Variants in TNIP3 observed in about 807,000 individuals in gnomAD.
The protein encoded by TNIP3 is TNFAIP3 interacting protein 3.
Under a neutral mutation model 54.1 loss-of-function variants are expected in TNIP3, and 34 were observed. The observed-to-expected ratio is 0.63, with a 90% CI of 0.48 to 0.84. The LOEUF (loss-of-function observed/expected upper bound fraction) is 0.84, where lower values mean the gene tolerates loss of function less well. Among genes scored for constraint, TNIP3 ranks in the 40% least tolerant of loss-of-function variants. The pLI is 0.00. For missense variants in TNIP3, 366 were observed against 387.6 expected (o/e 0.94, Z 0.47); for synonymous variants, 134 against 136.8 (o/e 0.98, Z 0.14).
intron 2 of TNIP3, among the ~76,000 whole-genome samples, chr4:121,211,943 G>A (rs1379817605): frequency 1.3e-5 from 2 of 152,322 alleles, no homozygotes; most frequent in East Asian, 3.9e-4. Context: ...TTCCATGGAA[G>A]TAAAAGCTGA....
chr4:121,197,890 C>T (rs1354468729), intron 2 of TNIP3, among the ~76,000 whole-genome samples: 1 of 152,156 alleles, frequency 6.6e-6, no homozygotes, highest in Non-Finnish European at 1.5e-5. Flanking sequence ...CACTACTATT[C>T]AAGTGTTTTG....
At chr4:121,149,999 A>T in intron 6 of TNIP3, 104 bp downstream of exon 6, 1 of 702,680 alleles carries the variant, frequency 1.4e-6, no homozygotes, top group East Asian at 2.5e-5. Flanking sequence ...AAATGCAAAA[A>T]CCTTTGACAT....
chr4:121,194,948 A>C (rs1368905827), intron 2 of TNIP3, among the ~76,000 whole-genome samples: 1 of 152,108 alleles, frequency 6.6e-6, no homozygotes, highest in Admixed American at 6.5e-5. Context: ...TGGGCGGATC[A>C]CCTGAGGTCA....
At chr4:121,141,038 A>T (rs916207810) in intron 9 of TNIP3, among the ~76,000 whole-genome samples, 1 of 152,206 alleles carries the variant, frequency 6.6e-6, no homozygotes, top group South Asian at 2.1e-4. Context: ...CCCAGTTAAA[A>T]ATCTTAGATT....
chr4:121,164,785 A>T (rs1006495810), upstream of TNIP3, among the ~76,000 whole-genome samples: 1 of 152,196 alleles, frequency 6.6e-6, no homozygotes, highest in Admixed American at 6.5e-5. Flanking sequence ...TGCAAATCTA[A>T]TCTTCTATAT....
intron 2 of TNIP3, among the ~76,000 whole-genome samples, chr4:121,206,451 C>G (rs552523165): frequency 9.9e-5 from 15 of 152,214 alleles, no homozygotes; most frequent in Admixed American, 9.2e-4. Context: ...ATTCATTATG[C>G]TCACATGAAT....
intron 4 of TNIP3, among the ~76,000 whole-genome samples, chr4:121,156,796 G>A (rs1387303701): frequency 6.6e-6 from 1 of 152,116 alleles, no homozygotes; most frequent in African/African-American, 2.4e-5. Flanking sequence ...AAATGCCCTA[G>A]AGAGTTAGCA....
At chr4:121,152,187 C>G (rs560687174) in intron 5 of TNIP3, among the ~76,000 whole-genome samples, 1 of 152,038 alleles carries the variant, frequency 6.6e-6, no homozygotes, top group Non-Finnish European at 1.5e-5. Context: ...GAGGGTAGGC[C>G]CTGGATTCCA....
chr4:121,208,631 A>T (rs921688410), intron 2 of TNIP3, among the ~76,000 whole-genome samples: 3 of 152,194 alleles, frequency 2.0e-5, no homozygotes, highest in African/African-American at 7.2e-5. Flanking sequence ...TCTTTATTAC[A>T]ATTCCTCTGT....
At chr4:121,208,710 T>C (rs944195483) in intron 2 of TNIP3, among the ~76,000 whole-genome samples, 60 of 152,154 alleles carry the variant, frequency 3.9e-4, no homozygotes, top group African/African-American at 1.4e-3. Context: ...GTGGGTGTGA[T>C]ATAATAAAAA....
At chr4:121,143,853 G>A (rs763847537) in intron 7 of TNIP3, among the ~76,000 whole-genome samples, 3 of 152,032 alleles carry the variant, frequency 2.0e-5, no homozygotes, top group Non-Finnish European at 4.4e-5. Flanking sequence ...TCTCTATAAG[G>A]CACATCACAT....
upstream of TNIP3, among the ~76,000 whole-genome samples, chr4:121,218,178 T>C (rs1210538900): frequency 6.6e-6 from 1 of 152,212 alleles, no homozygotes; most frequent in Non-Finnish European, 1.5e-5. Context: ...AGATACAACA[T>C]CATAACACTA....
intron 7 of TNIP3, among the ~76,000 whole-genome samples, chr4:121,144,779 G>A (rs558390091): frequency 1.3e-5 from 2 of 152,244 alleles, no homozygotes; most frequent in African/African-American, 4.8e-5. Flanking sequence ...TATTTTACAG[G>A]CAGGTATACT....
chr4:121,181,868 A>G (rs1340626895), intron 3 of TNIP3, among the ~76,000 whole-genome samples: 1 of 152,190 alleles, frequency 6.6e-6, no homozygotes, highest in Non-Finnish European at 1.5e-5. Context: ...TATCTCCACA[A>G]TGAATCTGTC....
At chr4:121,215,908 C>A (rs1310103103) in intron 2 of TNIP3, among the ~76,000 whole-genome samples, 1 of 149,798 alleles carries the variant, frequency 6.7e-6, no homozygotes, top group African/African-American at 2.5e-5. Context: ...AATAACTGAA[C>A]CAACGAATAG....
intron 2 of TNIP3, among the ~76,000 whole-genome samples, chr4:121,187,553 T>C (rs1177386535): frequency 6.6e-6 from 1 of 152,234 alleles, no homozygotes; most frequent in African/African-American, 2.4e-5. Context: ...AGAAGGACCA[T>C]GGAGGGCTAT....
chr4:121,214,625 T>C (rs77780795), intron 2 of TNIP3, among the ~76,000 whole-genome samples: 3,306 of 152,272 alleles, frequency 0.022, 77 homozygotes, highest in Admixed American at 0.035. Context: ...CTTTCTTGTC[T>C]ACACGGTGAA....
At chr4:121,169,832 C>T (rs1283747477) in intron 3 of TNIP3, among the ~76,000 whole-genome samples, 7 of 152,136 alleles carry the variant, frequency 4.6e-5, no homozygotes, top group Admixed American at 3.3e-4. Context: ...ACTTGTGTCC[C>T]GCCTGGTTGG....
At chr4:121,217,505 C>T (rs1005645614), upstream of TNIP3, among the ~76,000 whole-genome samples, 1 of 152,130 alleles carries the variant, frequency 6.6e-6, no homozygotes, top group African/African-American at 2.4e-5. Flanking sequence ...TGAAAATCAT[C>T]TGTTACCACC....
Sources: allele counts gnomAD v4.1 joint callset (sites outside exome capture counted in the v4.1 genomes callset), GRCh38; gene constraint gnomAD v4.1.1; transcripts MANE v1.5; gene names NCBI Gene and HGNC (gene_info 2026-07-23, HGNC 2026-07-21).